TBL1Y: variants seen among roughly 807,000 people sequenced by gnomAD.
TBL1Y encodes F-box-like/WD repeat-containing protein TBL1Y.
TBL1Y carries 15 observed loss-of-function variants against 12.0 expected under a neutral mutation model. That is an observed-to-expected ratio of 1.25 (90% CI 0.83 to 1.92). The LOEUF is 1.92. Ranked by LOEUF, TBL1Y falls within the 40% of genes most tolerant of loss-of-function variation. The probability of loss-of-function intolerance (pLI) is 0.00; values close to 1 mark genes in which losing one functional copy is unlikely to be tolerated. For synonymous variants in TBL1Y, 53 were observed against 42.6 expected, an observed-to-expected ratio of 1.24 and a Z score of -0.95; for missense variants, 148 against 116.7, an observed-to-expected ratio of 1.27 and a Z score of -1.24.
intron 2 of TBL1Y, among the ~76,000 whole-genome samples, chrY:6,959,529 G>A (rs780664173): frequency 2.1e-4 from 7 of 32,905 alleles, no homozygotes; most frequent in African/African-American, 8.3e-4. Context: ...GAGGACAGAC[G>A]TACAAGAATT....
intron 13 of TBL1Y, among the ~76,000 whole-genome samples, chrY:7,077,310 C>A: frequency 3.0e-5 from 1 of 33,548 alleles, no homozygotes; most frequent in Non-Finnish European, 7.4e-5. Context: ...GCACACTGGC[C>A]TATGCATGGC....
intron 16 of TBL1Y, 110 bp downstream of exon 16, chrY:7,086,527 G>A: frequency 8.4e-6 from 2 of 237,029 alleles, no homozygotes; most frequent in African/African-American, 1.6e-4. Flanking sequence ...AGGAAACAAA[G>A]TGGTAGCTCA....
chrY:6,995,806 G>A lies in TBL1Y; in HGVS notation c.-232G>A. The A allele has an allele frequency of 3.9e-5, 1 of 25,953 alleles. No individual in the cohort carries two copies. Among genetic ancestry groups the A allele is most frequent in the Non-Finnish European group, 9.0e-5 (1 of 11,163 alleles). 6.5% of individuals were successfully genotyped at this position (25,953 alleles called of 400,897 possible). ...TTTTTTTTTTTTTTTTTTGCCAGGG[G>A]AATGCCAGCTGTTCTCTTAACAGAA... On this transcript the variant is annotated splice_region_variant and 5_prime_UTR_variant, in exon 4 of 19. Transcript: ENST00000383032.
intron 2 of TBL1Y, among the ~76,000 whole-genome samples, chrY:6,954,385 C>G (rs745700086): frequency 5.9e-5 from 2 of 34,123 alleles, no homozygotes; most frequent in Non-Finnish European, 1.5e-4. Context: ...GGGCGCCCCT[C>G]CCCCAGCCTT....
chrY:6,982,521 T>C, intron 3 of TBL1Y, among the ~76,000 whole-genome samples: 2 of 33,322 alleles, frequency 6.0e-5, no homozygotes, highest in Non-Finnish European at 1.5e-4. Context: ...AAAATAGTTC[T>C]AAGATTTGAA....
chrY:6,941,195 T>A, intron 2 of TBL1Y, among the ~76,000 whole-genome samples: 1 of 33,125 alleles, frequency 3.0e-5, no homozygotes, highest in South Asian at 6.8e-4. Context: ...CTGTCAGGTA[T>A]AGGAAGCCAA....
chrY:6,961,809 C>T (rs2012128717), intron 2 of TBL1Y, among the ~76,000 whole-genome samples: 1 of 33,326 alleles, frequency 3.0e-5, no homozygotes. Flanking sequence ...TTAGTTCTTT[C>T]AGTTATGGCC....
At chrY:7,080,206 C>T (rs1338390391) in intron 13 of TBL1Y, among the ~76,000 whole-genome samples, 1 of 29,856 alleles carries the variant, frequency 3.3e-5, no homozygotes, top group Non-Finnish European at 7.9e-5. Context: ...TCTCAAGTAA[C>T]TGGGACTACA....
At chrY:6,939,466 A>C in intron 2 of TBL1Y, among the ~76,000 whole-genome samples, 1 of 32,929 alleles carries the variant, frequency 3.0e-5, no homozygotes, top group Non-Finnish European at 7.4e-5. Context: ...CCCACATCTA[A>C]AGATCCTTAA....
intron 2 of TBL1Y, among the ~76,000 whole-genome samples, chrY:6,926,993 A>G (rs2011830609): frequency 9.5e-5 from 3 of 31,709 alleles, no homozygotes; most frequent in African/African-American, 3.7e-4. Context: ...GTGCAGCAGC[A>G]CTATCTAGAC....
intron 2 of TBL1Y, among the ~76,000 whole-genome samples, chrY:6,926,793 C>T (rs755827340): frequency 2.2e-4 from 7 of 32,487 alleles, no homozygotes; most frequent in African/African-American, 7.2e-4. Flanking sequence ...TTGGGAGAGA[C>T]GGATTCACCA....
In TBL1Y at chrY:6,928,112, C is replaced by G; in HGVS notation, c.-266+15940C>G. Reference sequence around the variant, plus strand: ...CATCAGGCTAAATGCCAGCCAACTTCAAGTAGTTCCAGGTTTCCAGATCAG... The same window carrying G: ...CATCAGGCTAAATGCCAGCCAACTTGAAGTAGTTCCAGGTTTCCAGATCAG... On this transcript the variant is annotated intron_variant, in intron 2 of 18. Coordinates refer to ENST00000383032, the MANE Select transcript of TBL1Y (RefSeq NM_033284.2). Among the ~76,000 whole-genome samples, 4 of 33,596 alleles carry G rather than the reference C, an allele frequency of 1.2e-4. No individual in the cohort carries two copies. In the South Asian group the frequency reaches 2.6e-3, roughly 22 times the overall value. The allele number at this position is 33,596 out of a possible 37,273, so 90.1% of individuals were successfully genotyped here. A position where few individuals can be genotyped will look rare whatever the true frequency, so the allele number is the denominator to read the frequency against.
At chrY:7,068,855 C>T (rs1040306683) in intron 8 of TBL1Y, among the ~76,000 whole-genome samples, 1 of 26,426 alleles carries the variant, frequency 3.8e-5, no homozygotes, top group African/African-American at 1.5e-4. Flanking sequence ...CTCTTGCCAT[C>T]GCCATGAACA....
intron 2 of TBL1Y, among the ~76,000 whole-genome samples, chrY:6,934,453 T>C: frequency 6.0e-5 from 2 of 33,437 alleles, no homozygotes; most frequent in African/African-American, 1.2e-4. Flanking sequence ...GCTAATTGTA[T>C]ACTTATTTCA....
At chrY:6,940,329 T>C in intron 2 of TBL1Y, among the ~76,000 whole-genome samples, 1 of 32,240 alleles carries the variant, frequency 3.1e-5, no homozygotes, top group Non-Finnish European at 7.5e-5. Context: ...GCCTGCTCAC[T>C]CACTGGGTCT....
intron 16 of TBL1Y, among the ~76,000 whole-genome samples, chrY:7,087,018 T>C (rs1603052310): frequency 3.7e-5 from 1 of 27,173 alleles, no homozygotes; most frequent in East Asian, 8.5e-4. Context: ...ATATCATATA[T>C]TATATTTTTT....
intron 7 of TBL1Y, among the ~76,000 whole-genome samples, chrY:7,062,486 C>G: frequency 3.0e-5 from 1 of 33,463 alleles, no homozygotes. Flanking sequence ...CTTTCATTAT[C>G]CTTCCAGTGT....
At chrY:7,013,546 G>A (rs2012532060) in intron 4 of TBL1Y, among the ~76,000 whole-genome samples, 1 of 34,519 alleles carries the variant, frequency 2.9e-5, no homozygotes, top group Non-Finnish European at 7.3e-5. Flanking sequence ...TTGCTGAGAC[G>A]TTCTTTGTCT....
intron 2 of TBL1Y, among the ~76,000 whole-genome samples, chrY:6,959,129 G>A: frequency 3.0e-5 from 1 of 33,353 alleles, no homozygotes; most frequent in Non-Finnish European, 7.4e-5. Flanking sequence ...CTGGTTTATT[G>A]AGACTAGAGA....
Sources: allele counts gnomAD v4.1 joint callset (sites outside exome capture counted in the v4.1 genomes callset), GRCh38; gene constraint gnomAD v4.1.1; transcripts MANE v1.5; gene names NCBI Gene and HGNC (gene_info 2026-07-23, HGNC 2026-07-21).